ZNF98: variants seen among roughly 807,000 people sequenced by gnomAD.
The protein encoded by ZNF98 is zinc finger protein 739.
ZNF98 carries 8 observed loss-of-function variants against 12.8 expected under a neutral mutation model. That is an observed-to-expected ratio of 0.63 (90% CI 0.37 to 1.13). ZNF98 has a LOEUF of 1.13. ZNF98 is among the 50% of genes most tolerant of loss of function. The pLI is 0.01. For missense variants in ZNF98, 379 were observed against 666.1 expected (o/e 0.57, Z 4.74); for synonymous variants, 112 against 223.5 (o/e 0.50, Z 4.45).
intron 2 of ZNF98, 114 bp downstream of exon 2, chr19:22,403,272 A>AC (rs375869569): frequency 0.37 from 343,864 of 932,200 alleles, 28,452 homozygotes; most frequent in Non-Finnish European, 0.39. Flanking sequence ...AAAAAAAAAC[A>AC]AAAAAAAAAA....
intron 1 of ZNF98, among the ~76,000 whole-genome samples, chr19:22,407,567 C>T (rs1183448981): frequency 1.3e-5 from 2 of 151,124 alleles, no homozygotes; most frequent in Non-Finnish European, 2.9e-5. Flanking sequence ...CAAAATTTAG[C>T]TGGGTGTGGT....
In ZNF98 at chr19:22,409,495, G is replaced by A. The variant is rs537354049; in HGVS notation, c.31-5983C>T. 9.4e-4 allele frequency among the ~76,000 whole-genome samples: 143 copies of A among 152,238 alleles called. 1 individual carries two copies. The highest frequency in any genetic ancestry group is 3.2e-3 in the African/African-American group (133 of 41,556). Reference sequence around the variant, plus strand: ...CAGAAAAAGAAACTATCATGAGAGTGAACCAGCAACCTACAGAATAGGAGA... The same window carrying A: ...CAGAAAAAGAAACTATCATGAGAGTAAACCAGCAACCTACAGAATAGGAGA... On this transcript the variant is annotated intron_variant, in intron 1 of 3. Coordinates refer to ENST00000357774, the MANE Select transcript of ZNF98 (RefSeq NM_001098626.2).
Position 22,422,259 on chromosome 19 carries a change from G to C in ZNF98, c.-35C>G, listed in dbSNP as rs1301030533. 1.2e-6 allele frequency: 2 copies of C among 1,609,976 alleles called. No homozygotes were observed. Among genetic ancestry groups the C allele is most frequent in the South Asian group, 2.2e-5 (2 of 91,026 alleles). ...GGATTCCCAATACCTGCAGGTCACA[G>C]GGCCACAGAGGCTGGGCCTCTACGA... On this transcript the variant is annotated 5_prime_UTR_variant, in exon 1 of 4. Transcript: ENST00000357774.
At chr19:22,417,637 G>A (rs1219218713) in intron 1 of ZNF98, among the ~76,000 whole-genome samples, 3 of 152,126 alleles carry the variant, frequency 2.0e-5, no homozygotes, top group Non-Finnish European at 4.4e-5. Context: ...CCCTCAGTTG[G>A]TGGGGAAAAC....
At chr19:22,403,250 C>G (rs190605310) in intron 2 of ZNF98, 136 bp downstream of exon 2, 1 of 1,042,936 alleles carries the variant, frequency 9.6e-7, no homozygotes, top group East Asian at 2.7e-5. Flanking sequence ...ATAGACAAAT[C>G]TTGAAGTTAA....
At chr19:22,398,318 AC>A (rs1209196750) in intron 3 of ZNF98, among the ~76,000 whole-genome samples, 1 of 151,958 alleles carries the variant, frequency 6.6e-6, no homozygotes, top group Non-Finnish European at 1.5e-5. Flanking sequence ...TGTATTGTAA[AC>A]TTTCTAGAAA....
rs1205393216 is a variant in ZNF98 at position 22,392,164 on chromosome 19, C to T, written c.1071G>A (p.Lys357=). ...EKFYKCEECG[K]AFSRLSHLTT... is the part of the protein sequence containing the mutation. The stretch of plus-strand genomic sequence containing the variant: ...TAAGGTGGGATAACCGGCTAAAGGC[C>T]TTACCACATTCTTCACATTTGTAGA... Residue 357 remains lysine (K), a synonymous_variant, in exon 4 of 4, where the codon AAG becomes AAA. Transcript: ENST00000357774. 4 of 1,602,130 alleles carry T rather than the reference C, an allele frequency of 2.5e-6. No individual in the cohort carries two copies. Among genetic ancestry groups the T allele is most frequent in the Admixed American group, 1.7e-5 (1 of 58,506 alleles).
intron 3 of ZNF98, among the ~76,000 whole-genome samples, chr19:22,393,238 C>A (rs1306148758): frequency 6.6e-6 from 1 of 152,180 alleles, no homozygotes; most frequent in Non-Finnish European, 1.5e-5. Context: ...AAGTCTGTTA[C>A]ATTTACCCAG....
At chr19:22,399,694 C>T (rs182998110) in intron 3 of ZNF98, among the ~76,000 whole-genome samples, 56 of 152,100 alleles carry the variant, frequency 3.7e-4, no homozygotes, top group Admixed American at 9.8e-4. Flanking sequence ...TCTAAAACTA[C>T]TGACAAAATT....
chr19:22,407,538 A>C (rs12976630), intron 1 of ZNF98, among the ~76,000 whole-genome samples: 1 of 150,552 alleles, frequency 6.6e-6, no homozygotes, highest in African/African-American at 2.4e-5. Context: ...ATGGTGAAAC[A>C]CTATCTCTAC....
intron 1 of ZNF98, among the ~76,000 whole-genome samples, chr19:22,406,109 A>C (rs1376315169): frequency 6.6e-6 from 1 of 152,126 alleles, no homozygotes; most frequent in African/African-American, 2.4e-5. Flanking sequence ...TACCCCCTCC[A>C]CCAAGGGACA....
In ZNF98 at chr19:22,391,588, T is replaced by C. The variant is rs201435054; in HGVS notation, c.1647A>G (p.Glu549=). The change falls in exon 4 of 4, where the codon GAA becomes GAG. Residue 549 remains glutamate (E), a synonymous_variant. Transcript: ENST00000357774. ...TGTTGTCACAAGCATTGTTACAACT[T>C]TCAGGTTTGTAGAGTTTCTCTCCAG... ...IHTGEKLYKP[E]SCNNACDNIA... 1,983 of 1,606,978 alleles carry C rather than the reference T, an allele frequency of 1.2e-3. 2 individuals carry two copies. Among genetic ancestry groups the C allele is most frequent in the Non-Finnish European group, 1.6e-3 (1,906 of 1,176,668 alleles).
chr19:22,393,165 G>C (rs372794517), intron 3 of ZNF98, among the ~76,000 whole-genome samples, 184 bp from the exon 4 acceptor site: 1 of 151,120 alleles, frequency 6.6e-6, no homozygotes, highest in East Asian at 1.9e-4. Context: ...AAAAATTAAA[G>C]TAAGTTAAGT....
chr19:22,410,119 T>A (rs374164149), intron 1 of ZNF98, among the ~76,000 whole-genome samples: 1 of 152,138 alleles, frequency 6.6e-6, no homozygotes, highest in Non-Finnish European at 1.5e-5. Flanking sequence ...CTGGTGAGGC[T>A]GTGAAGAAAC....
intron 1 of ZNF98, among the ~76,000 whole-genome samples, chr19:22,414,060 C>T (rs1459563291): frequency 1.3e-5 from 2 of 150,714 alleles, no homozygotes; most frequent in African/African-American, 4.9e-5. Context: ...CATGGTGAAA[C>T]CCTATCTCTA....
intron 1 of ZNF98, among the ~76,000 whole-genome samples, chr19:22,413,649 T>A (rs1969604636): frequency 6.6e-6 from 1 of 151,272 alleles, no homozygotes; most frequent in South Asian, 2.1e-4. Flanking sequence ...GACAGGCAGA[T>A]CACCTGAGGT....
intron 3 of ZNF98, among the ~76,000 whole-genome samples, chr19:22,393,642 C>T (rs1969358073): frequency 6.6e-6 from 1 of 151,992 alleles, no homozygotes; most frequent in Non-Finnish European, 1.5e-5. Flanking sequence ...ATGTAGAAAG[C>T]TGAAACTGGA....
intron 1 of ZNF98, among the ~76,000 whole-genome samples, chr19:22,421,770 G>C (rs1047467750): frequency 6.6e-6 from 1 of 152,102 alleles, no homozygotes; most frequent in Non-Finnish European, 1.5e-5. Flanking sequence ...GTACTGTCGC[G>C]ATAATTCCCA....
At chr19:22,405,947 G>T (rs890625662) in intron 1 of ZNF98, among the ~76,000 whole-genome samples, 1 of 152,152 alleles carries the variant, frequency 6.6e-6, no homozygotes, top group African/African-American at 2.4e-5. Context: ...CCAGCCAGGG[G>T]CTCAGGGACA....
Sources: allele counts gnomAD v4.1 joint callset (sites outside exome capture counted in the v4.1 genomes callset), GRCh38; gene constraint gnomAD v4.1.1; transcripts MANE v1.5; gene names NCBI Gene and HGNC (gene_info 2026-07-23, HGNC 2026-07-21).